Variants in MTF1 observed in about 807,000 individuals in gnomAD.
MTF1 encodes the protein metal regulatory transcription factor 1.
MTF1 carries 22 observed loss-of-function variants against 70.4 expected under a neutral mutation model. The ratio of observed to expected loss-of-function variants is 0.31; its 90% CI spans 0.22 to 0.45. The LOEUF (loss-of-function observed/expected upper bound fraction) is 0.45. Ranked by LOEUF, MTF1 falls within the 20% of genes least tolerant of loss-of-function variation. The pLI is 1.00. For synonymous variants in MTF1, 333 were observed against 352.8 expected, an observed-to-expected ratio of 0.94 and a Z score of 0.63; for missense variants, 649 against 922.0, an observed-to-expected ratio of 0.70 and a Z score of 3.83.
chr1:37,848,801 G>C (rs942810260), intron 2 of MTF1, among the ~76,000 whole-genome samples: 2 of 152,192 alleles, frequency 1.3e-5, no homozygotes, highest in Non-Finnish European at 2.9e-5. Context: ...CAAGCCATCA[G>C]AGTTCAGAAG....
Position 37,822,504 on chromosome 1 carries a change from G to C in MTF1, c.1384C>G (p.Pro462Ala). The change falls in exon 9 of 11, where the codon CCT becomes GCT. Residue 462 changes from proline (P) to alanine (A), a missense_variant. Around this residue, in one of 7 missense-constraint regions of MTF1, gnomAD observed 267 missense variants for 292.1 expected, o/e 0.91. Transcript: ENST00000373036. Reference protein sequence around the residue: ...GSQQAAFGNPPALLQPPEVPV... With the variant: ...GSQQAAFGNPAALLQPPEVPV... ...ACTTCTGGAGGTTGTAAGAGAGCAG[G>C]GGGGTTGCCAAATGCAGCTTGCTGG... is the stretch of plus-strand genomic sequence containing the variant. 6.2e-7 allele frequency: 1 copy of C among 1,614,136 alleles called. No individual in the cohort carries two copies. Among genetic ancestry groups the C allele is most frequent in the Non-Finnish European group, 8.5e-7 (1 of 1,180,034 alleles).
In MTF1 at chr1:37,857,481, C is replaced by T. The variant is rs1367022117; in HGVS notation, c.178G>A (p.Asp60Asn). The T allele has an allele frequency of 6.2e-7, 1 of 1,614,202 alleles. No individual in the cohort carries two copies. The highest frequency in any genetic ancestry group is 1.7e-5 in the Admixed American group (1 of 60,016). Residue 60 changes from aspartate (D) to asparagine (N), a missense_variant, in exon 2 of 11, where the codon GAT (aspartate) becomes AAT (asparagine). By Grantham distance (23) the Asp-to-Asn change is conservative (BLOSUM62 1). Around this residue, in one of 7 missense-constraint regions of MTF1, gnomAD observed 9 missense variants for 33.6 expected, o/e 0.27. Transcript: ENST00000373036. Reference protein sequence around the residue: ...LIEQDPGTLEDEDDDGQCGEH... With the variant: ...LIEQDPGTLENEDDDGQCGEH... ...CCGCACTGTCCGTCGTCATCTTCAT[C>T]CTCCAAAGTGCCAGGGTCCTGCTCA...
chr1:37,822,418 C>T lies in MTF1; in HGVS notation c.1470G>A (p.Gln490=). Residue 490 remains glutamine (Q), a synonymous_variant, in exon 9 of 11, where the codon CAG becomes CAA. Transcript: ENST00000373036. ...GTCCTGGTACAATGGGCTGCGGTGC[C>T]TGGGGGTGCGGAAGAAACTCTTGAT... is the stretch of plus-strand genomic sequence containing the variant. The part of the protein sequence containing the change: ...ANHQEFLPHP[Q]APQPIVPGLS... 1 of 1,614,140 alleles carries T rather than the reference C, an allele frequency of 6.2e-7. No homozygotes were observed.
At chr1:37,822,082 C>T (rs1299402634) in intron 9 of MTF1, 39 bp downstream of exon 9, 4 of 1,477,506 alleles carry the variant, frequency 2.7e-6, no homozygotes, top group African/African-American at 1.4e-5. Context: ...TATGTAAATA[C>T]ACTTCACCCC....
At position 37,859,556 on chromosome 1, in the gene MTF1, A is replaced by C. The variant is rs1314540567; in HGVS notation, c.-77T>G. The C allele has an allele frequency of 2.5e-6, 1 of 398,962 alleles. No individual in the cohort carries two copies. The highest frequency in any genetic ancestry group is 2.1e-5 in the African/African-American group (1 of 48,642). The allele number at this position is 398,962 out of a possible 1,614,324, so 24.7% of individuals were successfully genotyped here. On this transcript the variant is annotated 5_prime_UTR_variant, in exon 1 of 11. Coordinates refer to ENST00000373036, the MANE Select transcript of MTF1 (RefSeq NM_005955.3). ...CTCCGCGGCTCCCGGCAACGGCGGC[A>C]GCAGCAGCTTCTCCCCTCCCCAGCG... is the stretch of plus-strand genomic sequence containing the variant.
Position 37,822,602 on chromosome 1 carries a change from T to G in MTF1, c.1286A>C (p.Glu429Ala). Reference sequence around the variant, plus strand: ...GGCAGGTAGTAGAGGCTGGGGTGGCTCGGAGAGGCCAGGTTGCAGTACAAG... The same window carrying G: ...GGCAGGTAGTAGAGGCTGGGGTGGCGCGGAGAGGCCAGGTTGCAGTACAAG... ...LPLVLQPGLS[E>A]PPQPLLPASA... The change falls in exon 9 of 11, where the codon GAG becomes GCG. Residue 429 changes from glutamate (E) to alanine (A), a missense_variant. Transcript: ENST00000373036. The G allele has an allele frequency of 6.2e-7, 1 of 1,613,884 alleles. No individual in the cohort carries two copies. Among genetic ancestry groups the G allele is most frequent in the Non-Finnish European group, 8.5e-7 (1 of 1,180,004 alleles).
intron 9 of MTF1, among the ~76,000 whole-genome samples, chr1:37,821,605 G>A (rs1052483102): frequency 1.3e-5 from 2 of 152,054 alleles, no homozygotes; most frequent in Admixed American, 6.6e-5. Flanking sequence ...AATTCTTCAC[G>A]ATGAAGCATT....
At chr1:37,854,336 G>T (rs1013040296) in intron 2 of MTF1, among the ~76,000 whole-genome samples, 12 of 152,154 alleles carry the variant, frequency 7.9e-5, no homozygotes, top group Non-Finnish European at 1.8e-4. Flanking sequence ...AGGCTTACAT[G>T]CAGGTCTCCA....
chr1:37,826,115 G>C (rs1640997843), intron 7 of MTF1, among the ~76,000 whole-genome samples: 1 of 152,164 alleles, frequency 6.6e-6, no homozygotes, highest in African/African-American at 2.4e-5. Context: ...TCTTGCCCTA[G>C]TGCCAACATA....
At chr1:37,830,340 G>A (rs1388947045) in intron 7 of MTF1, among the ~76,000 whole-genome samples, 1 of 152,024 alleles carries the variant, frequency 6.6e-6, no homozygotes, top group Non-Finnish European at 1.5e-5. Flanking sequence ...CTGCTGTTAA[G>A]CCCCATCCAG....
chr1:37,854,087 A>C (rs1306784042), intron 2 of MTF1, among the ~76,000 whole-genome samples: 1 of 152,176 alleles, frequency 6.6e-6, no homozygotes, highest in Non-Finnish European at 1.5e-5. Flanking sequence ...GGCTCATTGC[A>C]ACCTCCACCT....
chr1:37,810,544 G>C lies in MTF1; in HGVS notation c.*4592C>G, dbSNP rs1020213023. On this transcript the variant is annotated 3_prime_UTR_variant, in exon 11 of 11. Coordinates refer to ENST00000373036, the MANE Select transcript of MTF1 (RefSeq NM_005955.3). The stretch of plus-strand genomic sequence containing the variant: ...AGGGCATCAGAAGAAATACAGGACT[G>C]TTTCCCTCTCTCCCTAAAAAACATG... 6.6e-6 allele frequency: 1 copy of C among 152,172 alleles called. No individual in the cohort carries two copies. The highest frequency in any genetic ancestry group is 1.5e-5 in the Non-Finnish European group (1 of 68,034). The allele number at this position is 152,172 out of a possible 1,614,324, so 9.4% of individuals were successfully genotyped here.
chr1:37,858,650 T>C (rs1001429845), intron 1 of MTF1: 3 of 152,222 alleles, frequency 2.0e-5, no homozygotes, highest in Non-Finnish European at 4.4e-5. Context: ...AGTCTTATTA[T>C]TTTTGTTTCT....
At chr1:37,853,549 C>G (rs1326533983) in intron 2 of MTF1, among the ~76,000 whole-genome samples, 2 of 152,010 alleles carry the variant, frequency 1.3e-5, no homozygotes, top group Non-Finnish European at 2.9e-5. Context: ...TAGCCCTAAG[C>G]AGAAAAAAGT....
At chr1:37,839,871 C>T (rs929089361) in intron 3 of MTF1, 49 bp downstream of exon 3, 2 of 1,471,346 alleles carry the variant, frequency 1.4e-6, no homozygotes, top group African/African-American at 2.8e-5. Flanking sequence ...TCTGCCATCA[C>T]AACAAGGTCA....
At chr1:37,848,032 G>A (rs1192243985) in intron 2 of MTF1, among the ~76,000 whole-genome samples, 1 of 152,148 alleles carries the variant, frequency 6.6e-6, no homozygotes, top group Non-Finnish European at 1.5e-5. Context: ...TAATACAACA[G>A]TTCAGCTAAT....
At chr1:37,836,329 C>T (rs1641169676) in intron 4 of MTF1, among the ~76,000 whole-genome samples, 2 of 152,194 alleles carry the variant, frequency 1.3e-5, no homozygotes, top group South Asian at 4.1e-4. Context: ...CTTAACAGAC[C>T]TCTGTTGACA....
At chr1:37,849,772 A>G (rs907354975) in intron 2 of MTF1, among the ~76,000 whole-genome samples, 2 of 152,224 alleles carry the variant, frequency 1.3e-5, no homozygotes, top group African/African-American at 4.8e-5. Flanking sequence ...CTTTAATCCC[A>G]GCAGCTCAGG....
chr1:37,827,635 T>C (rs907840769), intron 7 of MTF1, among the ~76,000 whole-genome samples: 11 of 152,146 alleles, frequency 7.2e-5, no homozygotes, highest in African/African-American at 2.4e-4. Context: ...GTGCTGGGAT[T>C]ACAGGCGTGA....
Sources: gnomAD v4.1 joint callset for allele counts (sites outside exome capture counted in the v4.1 genomes callset) on GRCh38, gnomAD v4.1.1 for gene constraint, gnomAD v4.1.1 regional missense constraint, MANE v1.5 for transcripts, NCBI Gene and HGNC (gene_info 2026-07-23, HGNC 2026-07-21) for gene names.